The following FTO variants were observed in gnomAD, a reference collection of about 807,000 sequenced individuals.
FTO encodes the protein alpha-ketoglutarate-dependent dioxygenase FTO.
A neutral mutation model predicts 63.9 loss-of-function variants in FTO; 47 were observed. The ratio of observed to expected loss-of-function variants is 0.74; its 90% CI spans 0.58 to 0.94. FTO has a LOEUF of 0.94. Ranked by LOEUF, FTO falls within the 40% of genes least tolerant of loss-of-function variation. FTO has a pLI of 0.00. For missense variants in FTO, 562 were observed against 618.1 expected (o/e 0.91, Z 0.96); for synonymous variants, 207 against 224.4 (o/e 0.92, Z 0.69).
At chr16:54,098,856 A>G (rs1444292814) in intron 8 of FTO, among the ~76,000 whole-genome samples, 1 of 152,238 alleles carries the variant, frequency 6.6e-6, no homozygotes, top group Non-Finnish European at 1.5e-5. Context: ...TGAACCACAT[A>G]GTCAAAAAGC....
chr16:54,054,279 C>A (rs1219172649), intron 8 of FTO, among the ~76,000 whole-genome samples: 1 of 152,124 alleles, frequency 6.6e-6, no homozygotes, highest in Non-Finnish European at 1.5e-5. Flanking sequence ...AAAATTGAGG[C>A]TGAAATTTGA....
chr16:53,960,042 T>C (rs1032655738), intron 8 of FTO, among the ~76,000 whole-genome samples: 1 of 152,154 alleles, frequency 6.6e-6, no homozygotes, highest in Non-Finnish European at 1.5e-5. Flanking sequence ...TATTCAAGAC[T>C]GGACTTGGGG....
intron 7 of FTO, among the ~76,000 whole-genome samples, chr16:53,917,796 A>G (rs888098930): frequency 2.0e-5 from 3 of 151,710 alleles, no homozygotes; most frequent in Non-Finnish European, 4.4e-5. Context: ...GCCGAGTAGC[A>G]GGTAGTTCTG....
chr16:53,777,454 A>C (rs974836529), intron 1 of FTO, among the ~76,000 whole-genome samples: 1 of 152,192 alleles, frequency 6.6e-6, no homozygotes, highest in Admixed American at 6.5e-5. Flanking sequence ...TGCAGTGTGG[A>C]ATCCGAAGCT....
chr16:53,950,251 A>G (rs12921499), intron 8 of FTO, among the ~76,000 whole-genome samples: 5 of 151,172 alleles, frequency 3.3e-5, no homozygotes, highest in Admixed American at 2.0e-4. Flanking sequence ...AGCCCCACAC[A>G]GTAGGAAGTC....
chr16:53,934,628 C>G (rs1166332518), intron 8 of FTO, among the ~76,000 whole-genome samples: 1 of 152,060 alleles, frequency 6.6e-6, no homozygotes, highest in Non-Finnish European at 1.5e-5. Context: ...TACACCTAGG[C>G]TATATGGTGT....
chr16:54,058,257 A>G (rs1301705523), intron 8 of FTO, among the ~76,000 whole-genome samples: 1 of 151,956 alleles, frequency 6.6e-6, no homozygotes, highest in African/African-American at 2.4e-5. Flanking sequence ...GACTACTGGC[A>G]CACACCACCA....
At chr16:54,106,531 A>T (rs1326688995) in intron 8 of FTO, among the ~76,000 whole-genome samples, 1 of 130,240 alleles carries the variant, frequency 7.7e-6, no homozygotes, top group Admixed American at 8.3e-5. Flanking sequence ...TTATATAATT[A>T]TTTTATATAT....
chr16:53,841,099 A>G (rs568192243), intron 3 of FTO, among the ~76,000 whole-genome samples: 1 of 86,616 alleles, frequency 1.2e-5, no homozygotes, highest in East Asian at 3.8e-4. Flanking sequence ...GATAGCAACT[A>G]TCTAATGCTG....
chr16:53,972,349 A>G (rs1474933517), intron 8 of FTO, among the ~76,000 whole-genome samples: 1 of 152,146 alleles, frequency 6.6e-6, no homozygotes, highest in Admixed American at 6.5e-5. Flanking sequence ...TACTTGTCCA[A>G]TATCATCCTT....
At chr16:53,953,402 T>C (rs1328636542) in intron 8 of FTO, among the ~76,000 whole-genome samples, 1 of 152,220 alleles carries the variant, frequency 6.6e-6, no homozygotes, top group Non-Finnish European at 1.5e-5. Flanking sequence ...ATTGTAGGCC[T>C]TGTAATTTAG....
At chr16:53,958,025 A>C (rs1412645486) in intron 8 of FTO, among the ~76,000 whole-genome samples, 1 of 152,216 alleles carries the variant, frequency 6.6e-6, no homozygotes, top group Non-Finnish European at 1.5e-5. Flanking sequence ...TTTATAGTGA[A>C]CATAGTAGTG....
At chr16:54,093,181 G>A (rs540675692) in intron 8 of FTO, among the ~76,000 whole-genome samples, 15 of 152,176 alleles carry the variant, frequency 9.9e-5, no homozygotes, top group African/African-American at 3.4e-4. Context: ...CCCTGGCCCC[G>A]GAACTTACTG....
At chr16:54,072,386 A>G (rs2085891564) in intron 8 of FTO, 1 of 152,250 alleles carries the variant, frequency 6.6e-6, no homozygotes, top group South Asian at 2.1e-4. Context: ...GCCAGCAGCC[A>G]GCGCCCAGGG....
intron 8 of FTO, among the ~76,000 whole-genome samples, chr16:53,980,001 A>G (rs2083506437): frequency 6.6e-6 from 1 of 152,170 alleles, no homozygotes; most frequent in African/African-American, 2.4e-5. Flanking sequence ...TCAGTTTATG[A>G]TGCTCACCAG....
At chr16:54,019,646 A>T (rs1432941060) in intron 8 of FTO, among the ~76,000 whole-genome samples, 3 of 152,224 alleles carry the variant, frequency 2.0e-5, no homozygotes, top group South Asian at 4.1e-4. Flanking sequence ...TTCCTTTGGC[A>T]TATAGGTTTC....
intron 1 of FTO, among the ~76,000 whole-genome samples, chr16:53,734,162 T>C (rs1567939561): frequency 6.6e-6 from 1 of 152,242 alleles, no homozygotes; most frequent in Non-Finnish European, 1.5e-5. Context: ...TCTTTTTTCT[T>C]AAGACATGAA....
chr16:53,783,603 A>AT (rs2077645764), intron 1 of FTO, among the ~76,000 whole-genome samples: 2 of 85,512 alleles, frequency 2.3e-5, no homozygotes, highest in Admixed American at 1.2e-4. Context: ...GCAAGACTCC[A>AT]TAAAAAAAAA....
intron 1 of FTO, among the ~76,000 whole-genome samples, chr16:53,709,275 T>C (rs961654123): frequency 6.6e-6 from 1 of 152,250 alleles, no homozygotes; most frequent in Non-Finnish European, 1.5e-5. Flanking sequence ...AACATTTATT[T>C]AATTTGTGTT....
Sources: gnomAD v4.1 joint callset for allele counts (sites outside exome capture counted in the v4.1 genomes callset) on GRCh38, gnomAD v4.1.1 for gene constraint, MANE v1.5 for transcripts, NCBI Gene and HGNC (gene_info 2026-07-23, HGNC 2026-07-21) for gene names.